MID2: variants seen among roughly 807,000 people sequenced by gnomAD.
MID2 encodes the protein probable E3 ubiquitin-protein ligase MID2.
MID2 carries 13 observed loss-of-function variants against 46.1 expected under a neutral mutation model. That is an observed-to-expected ratio of 0.28 (90% CI 0.18 to 0.45). MID2 has a LOEUF of 0.45. Among genes scored for constraint, MID2 ranks in the 20% least tolerant of loss-of-function variants. MID2 has a pLI of 1.00. For missense variants in MID2, 431 were observed against 575.4 expected (o/e 0.75, Z 2.57); for synonymous variants, 199 against 212.3 (o/e 0.94, Z 0.55).
intron 3 of MID2, among the ~76,000 whole-genome samples, chrX:107,883,360 T>A (rs1932373528): frequency 9.0e-6 from 1 of 111,273 alleles, no homozygotes; most frequent in Admixed American, 9.5e-5. Flanking sequence ...TTTAAAAAAA[T>A]GCCTCAGCAG....
rs749545430 is a variant in MID2, at chrX:107,838,107, G to C, written c.5-2563G>C. Reference sequence around the variant, plus strand: ...AGGTGATAAAAACATGTAGATGAGAGATCTCTTAGATTTCTAGGCTTGGAT... The same window carrying C: ...AGGTGATAAAAACATGTAGATGAGACATCTCTTAGATTTCTAGGCTTGGAT... On this transcript the variant is annotated intron_variant, in intron 1 of 9. Coordinates refer to ENST00000262843, the MANE Select transcript of MID2 (RefSeq NM_012216.4). Among the ~76,000 whole-genome samples the C allele has an allele frequency of 4.5e-5, 5 of 112,355 alleles. No individual in the cohort carries two copies. The East Asian group carries it at 8.4e-4, about 19-fold the overall frequency.
At chrX:107,894,859 G>A (rs1232579294) in intron 3 of MID2, 7 of 40,973 alleles carry the variant, frequency 1.7e-4, no homozygotes, top group African/African-American at 3.9e-4. Context: ...GTGTGTGTGT[G>A]TGTGTGAAAG....
chrX:107,872,028 T>G (rs995773429), intron 3 of MID2, among the ~76,000 whole-genome samples: 4 of 112,328 alleles, frequency 3.6e-5, no homozygotes, highest in Admixed American at 2.8e-4. Context: ...CCCTGCCTCC[T>G]GCCCCTGTCA....
chrX:107,910,994 C>T (rs1169192564), intron 5 of MID2, among the ~76,000 whole-genome samples: 8 of 102,930 alleles, frequency 7.8e-5, no homozygotes, highest in Non-Finnish European at 1.6e-4. Flanking sequence ...GCTGGGACTA[C>T]AGGCTCACGC....
At chrX:107,829,725 T>G (rs1931048558) in intron 1 of MID2, among the ~76,000 whole-genome samples, 1 of 111,539 alleles carries the variant, frequency 9.0e-6, no homozygotes, top group African/African-American at 3.3e-5. Context: ...GGAGGGGCTG[T>G]GCAGGACATG....
In MID2 at chrX:107,928,465, T is replaced by G. The variant is rs890523644; in HGVS notation, c.*1392T>G. ...TGTCAGAGAGCCAGAGCTTTCCCCT[T>G]TCCAGGAGCTAAGTTGGCTTCGGAA... On this transcript the variant is annotated 3_prime_UTR_variant, in exon 10 of 10. Transcript: ENST00000262843. Among the ~76,000 whole-genome samples the G allele has an allele frequency of 3.6e-5, 4 of 110,824 alleles. No individual in the cohort carries two copies. Among genetic ancestry groups the G allele is most frequent in the Non-Finnish European group, 5.7e-5 (3 of 52,858 alleles).
At chrX:107,879,463 C>A (rs1932274698) in intron 3 of MID2, among the ~76,000 whole-genome samples, 1 of 112,544 alleles carries the variant, frequency 8.9e-6, no homozygotes, top group Non-Finnish European at 1.9e-5. Context: ...CAAGCTGACT[C>A]TCTCCAACAT....
chrX:107,877,073 T>G (rs1272058128), intron 3 of MID2, among the ~76,000 whole-genome samples: 1 of 111,801 alleles, frequency 8.9e-6, no homozygotes, highest in Admixed American at 9.4e-5. Context: ...CTTTAGTTCC[T>G]TGGGATTGCC....
intron 7 of MID2, among the ~76,000 whole-genome samples, chrX:107,921,196 A>T (rs1933064069): frequency 9.0e-6 from 1 of 111,474 alleles, no homozygotes; most frequent in Admixed American, 9.5e-5. Context: ...AACAACATTG[A>T]CATTTTTTAA....
intron 5 of MID2, among the ~76,000 whole-genome samples, chrX:107,911,595 T>C (rs1476403291): frequency 8.9e-6 from 1 of 111,929 alleles, no homozygotes; most frequent in East Asian, 2.8e-4. Context: ...TTGTCTGGGT[T>C]TCCTCCCAGT....
At chrX:107,917,995 G>A (rs1933002301) in intron 7 of MID2, among the ~76,000 whole-genome samples, 1 of 111,497 alleles carries the variant, frequency 9.0e-6, no homozygotes, top group Non-Finnish European at 1.9e-5. Context: ...GGTTCTGTGT[G>A]TATGAACATC....
chrX:107,919,904 T>G (rs1331824353), intron 7 of MID2, among the ~76,000 whole-genome samples: 1 of 112,281 alleles, frequency 8.9e-6, no homozygotes, highest in Non-Finnish European at 1.9e-5. Context: ...AATTTATCCC[T>G]AGTACATTTT....
At chrX:107,903,516 GGAACA>G (rs1932811701) in intron 3 of MID2, among the ~76,000 whole-genome samples, 1 of 111,653 alleles carries the variant, frequency 9.0e-6, no homozygotes. Context: ...AAATTAGAAG[GGAACA>G]AGGAAAACTG....
intron 3 of MID2, among the ~76,000 whole-genome samples, chrX:107,858,148 A>G (rs897698417): frequency 8.9e-6 from 1 of 112,249 alleles, no homozygotes; most frequent in Non-Finnish European, 1.9e-5. Flanking sequence ...CTTCTATGGT[A>G]ATGTAGCTTG....
intron 1 of MID2, among the ~76,000 whole-genome samples, chrX:107,827,793 G>C (rs1930989404): frequency 9.9e-6 from 1 of 101,304 alleles, no homozygotes; most frequent in Non-Finnish European, 2.0e-5. Flanking sequence ...TGACTGTACT[G>C]AGGGAGAAAC....
chrX:107,909,583 G>A (rs1932867286), intron 5 of MID2, among the ~76,000 whole-genome samples: 1 of 111,693 alleles, frequency 9.0e-6, no homozygotes, highest in South Asian at 3.8e-4. Context: ...GAACTCATTG[G>A]GCTCTGCCTG....
chrX:107,912,042 T>C (rs926992832), intron 5 of MID2, among the ~76,000 whole-genome samples: 2 of 112,027 alleles, frequency 1.8e-5, no homozygotes, highest in African/African-American at 6.5e-5. Context: ...TTAGTGTGCA[T>C]GGATCTGTGG....
chrX:107,903,893 C>A (rs1932814067), intron 3 of MID2, 65 bp from the exon 4 acceptor site: 2 of 811,744 alleles, frequency 2.5e-6, no homozygotes, highest in East Asian at 6.3e-5. Context: ...TCAGTCCGAA[C>A]CTTTTAGAGC....
At chrX:107,877,678 C>T (rs1932229448) in intron 3 of MID2, among the ~76,000 whole-genome samples, 1 of 111,773 alleles carries the variant, frequency 8.9e-6, no homozygotes, top group Admixed American at 9.4e-5. Context: ...CCTTTGGGTT[C>T]CCAGGGCTTT....
Sources: gnomAD v4.1 joint callset for allele counts (sites outside exome capture counted in the v4.1 genomes callset) on GRCh38, gnomAD v4.1.1 for gene constraint, MANE v1.5 for transcripts, NCBI Gene and HGNC (gene_info 2026-07-23, HGNC 2026-07-21) for gene names.